Variants in LRP1B observed in about 807,000 individuals in gnomAD.
LRP1B encodes the protein LDL receptor related protein 1B.
A neutral mutation model predicts 556.6 loss-of-function variants in LRP1B; 217 were observed. The ratio of observed to expected loss-of-function variants is 0.39; its 90% CI spans 0.35 to 0.44. The LOEUF is 0.44. Among genes scored for constraint, LRP1B ranks in the 20% least tolerant of loss-of-function variants. The pLI, the probability that LRP1B is intolerant of heterozygous loss-of-function variation, is 1.00. For missense variants in LRP1B, 5,053 were observed against 5,620.8 expected (o/e 0.90, Z 3.23); for synonymous variants, 2,047 against 1,865.8 (o/e 1.10, Z -2.50).
chr2:140,468,128 C>T (rs1264700334), intron 60 of LRP1B, among the ~76,000 whole-genome samples: 1 of 152,166 alleles, frequency 6.6e-6, no homozygotes, highest in African/African-American at 2.4e-5. Context: ...ATGCCAGAGG[C>T]TCAGAAGCAG....
intron 35 of LRP1B, among the ~76,000 whole-genome samples, chr2:140,768,352 G>T (rs965006950): frequency 2.0e-5 from 3 of 151,736 alleles, no homozygotes; most frequent in Non-Finnish European, 1.5e-5. Flanking sequence ...ATAGCTATTT[G>T]TTTTTTAACA....
intron 3 of LRP1B, among the ~76,000 whole-genome samples, chr2:141,429,698 G>A (rs2104981344): frequency 6.6e-6 from 1 of 152,066 alleles, no homozygotes; most frequent in East Asian, 1.9e-4. Flanking sequence ...GTGTCCATGT[G>A]TTCTCATCAT....
intron 11 of LRP1B, among the ~76,000 whole-genome samples, chr2:141,036,543 C>G (rs1443966048): frequency 6.6e-6 from 1 of 152,042 alleles, no homozygotes; most frequent in Non-Finnish European, 1.5e-5. Context: ...AATAATCTGC[C>G]TCTAGAAAAG....
chr2:141,036,544 TCTAGAAAAGGAGCAGGGAACCC>T (rs1283994356), intron 11 of LRP1B, among the ~76,000 whole-genome samples: 1 of 151,978 alleles, frequency 6.6e-6, no homozygotes, highest in African/African-American at 2.4e-5. Context: ...ATAATCTGCC[TCTAGAAAAGGAGCAGGGAACCC>T]TTTTTCCTCC....
At chr2:141,544,381 T>TCTTCTTCTTCTTCTTCTCCTTCTC (rs1685463294) in intron 2 of LRP1B, among the ~76,000 whole-genome samples, 1 of 79,756 alleles carries the variant, frequency 1.3e-5, no homozygotes, top group Admixed American at 1.5e-4. Flanking sequence ...TTCTTCTTCT[T>TCTTCTTCTTCTTCTTCTCCTTCTC]CTCCTCCTCC....
At chr2:140,261,655 C>G (rs567785631) in intron 86 of LRP1B, among the ~76,000 whole-genome samples, 2 of 151,848 alleles carry the variant, frequency 1.3e-5, no homozygotes, top group South Asian at 4.2e-4. Context: ...ACTGGGCACC[C>G]ATTAAAACTA....
At chr2:142,047,821 T>C (rs1457757236) in intron 1 of LRP1B, among the ~76,000 whole-genome samples, 1 of 151,904 alleles carries the variant, frequency 6.6e-6, no homozygotes, top group Non-Finnish European at 1.5e-5. Context: ...GCCAAGGTCA[T>C]AGGGAAAGGT....
At chr2:140,379,326 A>G (rs1683370282) in intron 67 of LRP1B, among the ~76,000 whole-genome samples, 1 of 152,270 alleles carries the variant, frequency 6.6e-6, no homozygotes, top group South Asian at 2.1e-4. Context: ...TGCTCTACAC[A>G]ATCCCTTGGT....
chr2:140,595,292 A>G (rs1682397955), intron 43 of LRP1B, among the ~76,000 whole-genome samples: 1 of 151,772 alleles, frequency 6.6e-6, no homozygotes, highest in South Asian at 2.1e-4. Flanking sequence ...GGCATGTGTT[A>G]GATTATCTGC....
Position 141,991,839 on chromosome 2 carries a change from G to T in LRP1B, c.82+138809C>A, listed in dbSNP as rs150392314. ...GTCCCTATTACTTGGTTTTTACACT[G>T]CTCATCCCAAATTTTGAGTACTATT... On this transcript the variant is annotated intron_variant, in intron 1 of 90. Transcript: ENST00000389484. 5.6e-3 allele frequency among the ~76,000 whole-genome samples: 852 copies of T among 152,064 alleles called. 3 individuals carry two copies. The highest frequency in any genetic ancestry group is 8.2e-3 in the Non-Finnish European group (557 of 67,958).
intron 1 of LRP1B, among the ~76,000 whole-genome samples, chr2:142,077,284 A>G (rs1419721392): frequency 6.6e-6 from 1 of 152,080 alleles, no homozygotes; most frequent in East Asian, 1.9e-4. Context: ...TAGAATTCAA[A>G]TATTTTCTGA....
rs183352137 is a variant in LRP1B at position 141,841,049 on chromosome 2, G to A, written c.83-30648C>T. On this transcript the variant is annotated intron_variant, in intron 1 of 90. Transcript: ENST00000389484. Reference sequence around the variant, plus strand: ...ATGGCCTCAGAGTCAATACTTTCTGGAACAAAGTAGCTTAGCAGTCTCTCA... The same window carrying A: ...ATGGCCTCAGAGTCAATACTTTCTGAAACAAAGTAGCTTAGCAGTCTCTCA... 3.7e-4 allele frequency among the ~76,000 whole-genome samples: 56 copies of A among 152,156 alleles called. No individual in the cohort carries two copies. In the East Asian group the frequency reaches 0.01, roughly 28 times the overall value.
intron 43 of LRP1B, among the ~76,000 whole-genome samples, chr2:140,594,706 C>T (rs1469932322): frequency 6.6e-6 from 1 of 152,094 alleles, no homozygotes; most frequent in African/African-American, 2.4e-5. Context: ...TCTGATTTCC[C>T]TACTCTTGAG....
At chr2:141,336,215 T>C (rs1687845278) in intron 3 of LRP1B, among the ~76,000 whole-genome samples, 1 of 152,064 alleles carries the variant, frequency 6.6e-6, no homozygotes, top group African/African-American at 2.4e-5. Context: ...CCTTGGCTCC[T>C]GGCTTCTTCC....
chr2:141,274,467 T>C (rs1685207674), intron 3 of LRP1B, among the ~76,000 whole-genome samples: 1 of 152,214 alleles, frequency 6.6e-6, no homozygotes, highest in Non-Finnish European at 1.5e-5. Flanking sequence ...CTACATATTG[T>C]ATAATTTCAT....
chr2:141,860,164 C>G (rs1698192102), intron 1 of LRP1B, among the ~76,000 whole-genome samples: 1 of 152,052 alleles, frequency 6.6e-6, no homozygotes. Context: ...TCCCATGTGT[C>G]TGTGGGAGTC....
At chr2:140,257,306 A>G (rs553155033) in intron 86 of LRP1B, among the ~76,000 whole-genome samples, 72 of 152,318 alleles carry the variant, frequency 4.7e-4, no homozygotes, top group African/African-American at 1.3e-3. Flanking sequence ...TAAAGACAAA[A>G]TAAATGGATA....
At chr2:141,436,990 G>T (rs1242062786) in intron 3 of LRP1B, among the ~76,000 whole-genome samples, 6 of 152,072 alleles carry the variant, frequency 3.9e-5, no homozygotes. Context: ...TTAATTATGA[G>T]ATATATGCAG....
intron 1 of LRP1B, among the ~76,000 whole-genome samples, chr2:142,129,584 TTCTCTCTCTC>T (rs56034357): frequency 0.079 from 10,619 of 134,692 alleles, 427 homozygotes; most frequent in Admixed American, 0.13. Context: ...CTTTCTCTCT[TTCTCTCTCTC>T]TCTCTCTCTC....
Sources: gnomAD v4.1 joint callset for allele counts (sites outside exome capture counted in the v4.1 genomes callset) on GRCh38, gnomAD v4.1.1 for gene constraint, MANE v1.5 for transcripts, NCBI Gene and HGNC (gene_info 2026-07-23, HGNC 2026-07-21) for gene names.